MAP4: variants seen among roughly 807,000 people sequenced by gnomAD.
The protein encoded by MAP4 is microtubule associated protein 4.
MAP4 carries 76 observed loss-of-function variants against 170.2 expected under a neutral mutation model. That is an observed-to-expected ratio of 0.45 (90% CI 0.37 to 0.54). MAP4 has a LOEUF of 0.54. Among genes scored for constraint, MAP4 ranks in the 20% least tolerant of loss-of-function variants. The pLI is 0.00. For missense variants in MAP4, 2,506 were observed against 2,748.0 expected (o/e 0.91, Z 1.97); for synonymous variants, 909 against 994.5 (o/e 0.91, Z 1.62).
rs142027747 is a variant in MAP4, at chr3:47,916,452, T to A, written c.1375A>T (p.Ile459Phe). 2 of 1,614,170 alleles carry A rather than the reference T, an allele frequency of 1.2e-6. No individual in the cohort carries two copies. The highest frequency in any genetic ancestry group is 2.2e-5 in the South Asian group (2 of 91,084). Residue 459 changes from isoleucine (I) to phenylalanine (F), a missense_variant, in exon 7 of 21, where the codon ATC (isoleucine) becomes TTC (phenylalanine). This residue lies in a region of MAP4 where 2,008 missense variants were observed against 2,206.0 expected (regional missense o/e 0.91). Transcript: ENST00000683076. ...GGTAGTGCTTTATCCTTGGTCAAGA[T>A]CACGTTGGTTTCCGGGGGCAGTGTC... ...DMTLPPETNVILTKDKALPLE... is the reference protein window; with the variant it reads ...DMTLPPETNVFLTKDKALPLE...
intron 1 of MAP4, among the ~76,000 whole-genome samples, chr3:48,079,814 G>C (rs2100145690): frequency 6.6e-6 from 1 of 151,974 alleles, no homozygotes; most frequent in Non-Finnish European, 1.5e-5. Context: ...GCTGGGCACG[G>C]TGGCAGGTAC....
At chr3:48,074,676 T>TTTTTTGTGTGTGTGTGTGTGTGTG (rs746281743) in intron 1 of MAP4, among the ~76,000 whole-genome samples, 3 of 90,640 alleles carry the variant, frequency 3.3e-5, no homozygotes, top group African/African-American at 9.8e-5. Flanking sequence ...ATCCAGCTAA[T>TTTTTTGTGTGTGTGTGTGTGTGTG]TGTGTGTGTG....
intron 1 of MAP4, among the ~76,000 whole-genome samples, chr3:48,064,962 C>T (rs1410557585): frequency 6.6e-6 from 1 of 152,018 alleles, no homozygotes; most frequent in Non-Finnish European, 1.5e-5. Context: ...GTACCCATCT[C>T]TACAAAAAAA....
chr3:48,057,826 G>C (rs1456070103), intron 1 of MAP4, among the ~76,000 whole-genome samples: 4 of 151,762 alleles, frequency 2.6e-5, no homozygotes, highest in Admixed American at 6.6e-5. Flanking sequence ...GGGGAAACTG[G>C]GTAAAGTGTA....
intron 10 of MAP4, chr3:47,891,645 C>T (rs922307558): frequency 8.5e-6 from 13 of 1,535,944 alleles, no homozygotes; most frequent in East Asian, 2.4e-5. Context: ...ACAGCCTCCT[C>T]GGTAGAACTC....
chr3:47,858,204 G>C (rs916693230), intron 17 of MAP4, among the ~76,000 whole-genome samples: 1 of 151,534 alleles, frequency 6.6e-6, no homozygotes, highest in African/African-American at 2.4e-5. Flanking sequence ...GTAGAGACAG[G>C]GTTTCTCCAT....
chr3:47,931,793 C>T (rs924460237), intron 3 of MAP4: 1 of 151,804 alleles, frequency 6.6e-6, no homozygotes, highest in Non-Finnish European at 1.5e-5. Context: ...CTGTGCCTGG[C>T]TCCATCTGTA....
At position 47,917,247 on chromosome 3, in the gene MAP4, A is replaced by G. The variant is rs949520355; in HGVS notation, c.653-73T>C. 6.2e-6 allele frequency: 8 copies of G among 1,286,174 alleles called. No individual in the cohort carries two copies. In the East Asian group the frequency reaches 1.4e-4, roughly 22 times the overall value. 79.7% of individuals were successfully genotyped at this position (1,286,174 alleles called of 1,614,324 possible). On this transcript the variant is annotated intron_variant, in intron 6 of 20. Transcript: ENST00000683076. ...TTAAAAATGCTTACTTTCTTCAGGC[A>G]TGAGAGTATTTGGCTTTTGTGACCA...
chr3:48,044,036 G>C (rs2100123043), intron 1 of MAP4, among the ~76,000 whole-genome samples: 2 of 151,640 alleles, frequency 1.3e-5, no homozygotes, highest in Non-Finnish European at 2.9e-5. Context: ...AGTAGAGATG[G>C]GGTTTCACCA....
intron 2 of MAP4, among the ~76,000 whole-genome samples, chr3:47,990,273 T>C (rs547269742): frequency 1.6e-4 from 25 of 152,224 alleles, no homozygotes; most frequent in Non-Finnish European, 2.8e-4. Context: ...CAATCATGCA[T>C]GTGTATCCGA....
chr3:47,974,953 A>G, intron 3 of MAP4: 1 of 986,274 alleles, frequency 1.0e-6, no homozygotes, highest in Non-Finnish European at 1.2e-6. Flanking sequence ...AGCTCAGAGA[A>G]GGAAGGAGGA....
chr3:47,892,805 AAC>A (rs1343530424), intron 10 of MAP4: 11 of 1,151,250 alleles, frequency 9.6e-6, no homozygotes, highest in Middle Eastern at 3.7e-4. Context: ...TGCAATTTAA[AAC>A]ACAGTATGGT....
At chr3:48,035,841 G>A (rs2100118515) in intron 1 of MAP4, among the ~76,000 whole-genome samples, 1 of 152,060 alleles carries the variant, frequency 6.6e-6, no homozygotes. Flanking sequence ...TCGGGAGGCT[G>A]AGGCATGAGA....
At chr3:47,928,414 A>T in intron 3 of MAP4, 64 bp from the exon 4 acceptor site, 1 of 1,520,346 alleles carries the variant, frequency 6.6e-7, no homozygotes, top group Non-Finnish European at 9.1e-7. Context: ...ACTACAGTGG[A>T]ATTTCTACAA....
intron 3 of MAP4, among the ~76,000 whole-genome samples, chr3:47,947,193 T>C (rs1159884137): frequency 6.6e-6 from 1 of 152,238 alleles, no homozygotes; most frequent in Non-Finnish European, 1.5e-5. Context: ...ATTGTACTTT[T>C]TTCTTGTCTT....
intron 10 of MAP4, chr3:47,892,042 T>TGCCACCTTCCCC: frequency 6.5e-7 from 1 of 1,536,244 alleles, no homozygotes; most frequent in Non-Finnish European, 8.7e-7. Context: ...CATTCTTCCC[T>TGCCACCTTCCCC]GCCACCTTCC....
chr3:47,985,528 A>C (rs1018653080), intron 2 of MAP4, among the ~76,000 whole-genome samples: 10 of 152,210 alleles, frequency 6.6e-5, no homozygotes, highest in Admixed American at 6.5e-5. Flanking sequence ...TATTATCACC[A>C]ATAATGTGAT....
intron 8 of MAP4, among the ~76,000 whole-genome samples, chr3:47,913,670 G>A (rs1031702733): frequency 6.6e-6 from 1 of 151,880 alleles, no homozygotes; most frequent in Non-Finnish European, 1.5e-5. Flanking sequence ...AATCTTTACT[G>A]ATTTGTTGAG....
At chr3:48,036,386 C>T (rs913563178) in intron 1 of MAP4, among the ~76,000 whole-genome samples, 7 of 152,202 alleles carry the variant, frequency 4.6e-5, no homozygotes, top group African/African-American at 1.4e-4. Context: ...AAATGTAACA[C>T]GTGAAACTGC....
Sources: gnomAD v4.1 joint callset for allele counts (sites outside exome capture counted in the v4.1 genomes callset) on GRCh38, gnomAD v4.1.1 for gene constraint, gnomAD v4.1.1 regional missense constraint, MANE v1.5 for transcripts, NCBI Gene and HGNC (gene_info 2026-07-23, HGNC 2026-07-21) for gene names.